Variants in TAB2 observed in about 807,000 individuals in gnomAD.
TAB2 encodes the protein TGF-beta activated kinase 1 (MAP3K7) binding protein 2, also known as TGF-beta-activated kinase 1 and MAP3K7-binding protein 2.
Under a neutral mutation model 65.0 loss-of-function variants are expected in TAB2, and 3 were observed. The ratio of observed to expected loss-of-function variants is 0.05; its 90% CI spans 0.02 to 0.12. TAB2 has a LOEUF of 0.12. Ranked by LOEUF, TAB2 falls within the 10% of genes least tolerant of loss-of-function variation. The pLI is 1.00. For synonymous variants in TAB2, 298 were observed against 285.1 expected (o/e 1.05, Z -0.46); for missense variants, 623 against 840.3 (o/e 0.74, Z 3.20).
intron 1 of TAB2, among the ~76,000 whole-genome samples, chr6:149,358,286 C>T (rs1484649302): frequency 6.6e-6 from 1 of 152,122 alleles, no homozygotes; most frequent in African/African-American, 2.4e-5. Context: ...CACCTTAATA[C>T]GCATAGCCTG....
chr6:149,332,725 T>G (rs1002472840), intron 1 of TAB2, among the ~76,000 whole-genome samples: 7 of 151,918 alleles, frequency 4.6e-5, no homozygotes, highest in African/African-American at 1.7e-4. Context: ...AAATGAAAAA[T>G]AAAGATGAAA....
intron 6 of TAB2, among the ~76,000 whole-genome samples, chr6:149,403,491 G>T (rs1382970954): frequency 6.6e-6 from 1 of 151,340 alleles, no homozygotes; most frequent in Non-Finnish European, 1.5e-5. Context: ...AAGCAAGGGT[G>T]CCATTCTTGC....
rs1490716055 is a variant in TAB2 at position 149,357,419 on chromosome 6, G to GAAAAA, written c.-89-12489_-89-12488insAAAAA. Among the ~76,000 whole-genome samples, 315 of 91,766 alleles carry GAAAAA rather than the reference G, an allele frequency of 3.4e-3. 6 individuals are homozygous for GAAAAA. Among genetic ancestry groups the GAAAAA allele is most frequent in the African/African-American group, 4.0e-3 (76 of 19,164 alleles). 60.2% of individuals were successfully genotyped at this position (91,766 alleles called of 152,430 possible). ...CAATAGAGGGAGACTCCGTCTCAAG[G>GAAAAA]AGAAAAAAAAAACACACACACACAC... On this transcript the variant is annotated intron_variant, in intron 1 of 6. Transcript: ENST00000637181.
chr6:149,408,167 A>T (rs2114975931), intron 6 of TAB2, among the ~76,000 whole-genome samples: 1 of 152,326 alleles, frequency 6.6e-6, no homozygotes, highest in Non-Finnish European at 1.5e-5. Context: ...AAAGTTTTTT[A>T]AACTGTATTT....
At chr6:149,402,309 A>G (rs1279594137) in intron 6 of TAB2, among the ~76,000 whole-genome samples, 2 of 152,072 alleles carry the variant, frequency 1.3e-5, no homozygotes, top group African/African-American at 4.8e-5. Flanking sequence ...AACAGACTAG[A>G]TAACCTAGAA....
chr6:149,404,135 GAC>G (rs1210591000), intron 6 of TAB2, among the ~76,000 whole-genome samples: 1 of 152,088 alleles, frequency 6.6e-6, no homozygotes, highest in Admixed American at 6.5e-5. Context: ...AAAATTGCAA[GAC>G]ACAAAAACAA....
At chr6:149,350,304 C>T (rs1780448506) in intron 1 of TAB2, among the ~76,000 whole-genome samples, 1 of 152,154 alleles carries the variant, frequency 6.6e-6, no homozygotes, top group East Asian at 1.9e-4. Context: ...ATAGGATTGA[C>T]TGGGAGAAGA....
At chr6:149,355,197 A>G (rs1780617670) in intron 1 of TAB2, among the ~76,000 whole-genome samples, 1 of 152,164 alleles carries the variant, frequency 6.6e-6, no homozygotes, top group African/African-American at 2.4e-5. Context: ...TATTTACATG[A>G]TAATGTCTTT....
At chr6:149,393,740 G>A (rs1261308808) in intron 3 of TAB2, among the ~76,000 whole-genome samples, 2 of 152,084 alleles carry the variant, frequency 1.3e-5, no homozygotes, top group African/African-American at 4.8e-5. Flanking sequence ...AAATAAATTA[G>A]ATTATTTTTA....
intron 1 of TAB2, among the ~76,000 whole-genome samples, chr6:149,274,611 G>T (rs981871379): frequency 6.6e-6 from 1 of 152,148 alleles, no homozygotes; most frequent in African/African-American, 2.4e-5. Context: ...CTTTAAAGAG[G>T]CTATACTCAT....
At chr6:149,382,115 C>T (rs1781630940) in intron 3 of TAB2, among the ~76,000 whole-genome samples, 1 of 152,212 alleles carries the variant, frequency 6.6e-6, no homozygotes, top group African/African-American at 2.4e-5. Context: ...GCTTCTCCCC[C>T]CAGCTCTTTT....
chr6:149,364,306 C>G (rs1180937291), intron 1 of TAB2, among the ~76,000 whole-genome samples: 2 of 152,142 alleles, frequency 1.3e-5, no homozygotes, highest in African/African-American at 4.8e-5. Context: ...ATGTTAATGG[C>G]CTATAAGGCA....
chr6:149,240,973 G>A (rs1405547224), intron 1 of TAB2, among the ~76,000 whole-genome samples: 1 of 152,062 alleles, frequency 6.6e-6, no homozygotes, highest in Non-Finnish European at 1.5e-5. Context: ...CGTAAGGGTG[G>A]GGCCCTAATC....
chr6:149,367,461 A>G (rs1211655128), intron 1 of TAB2, among the ~76,000 whole-genome samples: 2 of 152,120 alleles, frequency 1.3e-5, no homozygotes, highest in Non-Finnish European at 2.9e-5. Context: ...GAATTGAGGG[A>G]ACAAGGAGAG....
At chr6:149,343,955 A>G (rs1295527218) in intron 1 of TAB2, among the ~76,000 whole-genome samples, 1 of 152,204 alleles carries the variant, frequency 6.6e-6, no homozygotes, top group Non-Finnish European at 1.5e-5. Flanking sequence ...TTGTATCCCA[A>G]TTGTGAATTT....
At chr6:149,295,576 G>C (rs771557790) in intron 1 of TAB2, among the ~76,000 whole-genome samples, 3 of 152,018 alleles carry the variant, frequency 2.0e-5, no homozygotes, top group Non-Finnish European at 4.4e-5. Flanking sequence ...TCTATATGTT[G>C]TTTTCAGGAT....
At chr6:149,300,243 T>A (rs1206545083) in intron 1 of TAB2, among the ~76,000 whole-genome samples, 8 of 152,198 alleles carry the variant, frequency 5.3e-5, no homozygotes, top group African/African-American at 1.7e-4. Flanking sequence ...ATTCTGATTT[T>A]AAAAAATTTT....
intron 1 of TAB2, among the ~76,000 whole-genome samples, chr6:149,260,839 T>A (rs528190593): frequency 6.6e-6 from 1 of 152,354 alleles, no homozygotes; most frequent in East Asian, 1.9e-4. Context: ...ACTTTATGTA[T>A]GCTATTCGGC....
intron 1 of TAB2, among the ~76,000 whole-genome samples, chr6:149,338,404 GT>G (rs2114771207): frequency 6.6e-6 from 1 of 152,292 alleles, no homozygotes; most frequent in East Asian, 1.9e-4. Context: ...TTTAAGGAAT[GT>G]TAATTACAAA....
Sources: allele counts gnomAD v4.1 joint callset (sites outside exome capture counted in the v4.1 genomes callset), GRCh38; gene constraint gnomAD v4.1.1; transcripts MANE v1.5; gene names NCBI Gene and HGNC (gene_info 2026-07-23, HGNC 2026-07-21).